The following SLCO3A1 variants were observed in gnomAD, a reference collection of about 807,000 sequenced individuals.
The protein encoded by SLCO3A1 is solute carrier organic anion transporter family member 3A1, also known as PGE1 transporter.
A neutral mutation model predicts 63.1 loss-of-function variants in SLCO3A1; 27 were observed. That is an observed-to-expected ratio of 0.43 (90% CI 0.32 to 0.59). The LOEUF (loss-of-function observed/expected upper bound fraction) is 0.59, where lower values mean the gene tolerates loss of function less well. Ranked by LOEUF, SLCO3A1 falls within the 20% of genes least tolerant of loss-of-function variation. SLCO3A1 has a pLI of 0.09. For missense variants in SLCO3A1, 773 were observed against 945.8 expected, an observed-to-expected ratio of 0.82 and a Z score of 2.40; for synonymous variants, 473 against 409.9, an observed-to-expected ratio of 1.15 and a Z score of -1.86.
chr15:91,872,125 G>A lies in SLCO3A1; in HGVS notation c.180+18037G>A, dbSNP rs12904318. ...GGGAATTGCCTTCGTCGAGGATGTG[G>A]TGTGTGCCCGGGAGGACACAAGCAG... On this transcript the variant is annotated intron_variant, in intron 1 of 9. Transcript: ENST00000318445. The surrounding 1 kb of genome is among the most constrained non-coding windows in gnomAD (Gnocchi z 4.1). 0.27 allele frequency among the ~76,000 whole-genome samples: 40,905 copies of A among 152,004 alleles called. 6,179 individuals carry two copies. The highest frequency in any genetic ancestry group is 0.4 in the African/African-American group (16,648 of 41,414).
At chr15:91,958,948 T>G (rs1473367726) in intron 2 of SLCO3A1, among the ~76,000 whole-genome samples, 1 of 152,176 alleles carries the variant, frequency 6.6e-6, no homozygotes, top group Non-Finnish European at 1.5e-5. Context: ...GAAGTCATTA[T>G]ATGAAAAAGA....
chr15:92,019,721 G>T (rs1273685000), intron 2 of SLCO3A1, among the ~76,000 whole-genome samples: 1 of 152,226 alleles, frequency 6.6e-6, no homozygotes, highest in Non-Finnish European at 1.5e-5. Context: ...GCAGGAAAGG[G>T]AGGCCTTTGT....
At chr15:92,161,473 C>G (rs1477947951) in intron 9 of SLCO3A1, 1 of 152,230 alleles carries the variant, frequency 6.6e-6, no homozygotes, top group Non-Finnish European at 1.5e-5. Context: ...CGGTTTTCAT[C>G]TCATCTGCCA....
At chr15:91,870,382 G>A (rs1369101995) in intron 1 of SLCO3A1, among the ~76,000 whole-genome samples, 1 of 152,190 alleles carries the variant, frequency 6.6e-6, no homozygotes, top group African/African-American at 2.4e-5. Flanking sequence ...CTGTAGAAGT[G>A]TCCAAGGCCA....
chr15:91,962,631 A>G (rs1900492576), intron 2 of SLCO3A1, among the ~76,000 whole-genome samples: 1 of 151,954 alleles, frequency 6.6e-6, no homozygotes, highest in Non-Finnish European at 1.5e-5. Context: ...GAGAGGTGGA[A>G]ATGGCTGTGG....
chr15:92,066,478 C>T (rs926674699), intron 2 of SLCO3A1, among the ~76,000 whole-genome samples: 1 of 152,212 alleles, frequency 6.6e-6, no homozygotes, highest in African/African-American at 2.4e-5. Context: ...AAAACAGCTT[C>T]TGAGAAATGC....
chr15:92,122,460 C>G (rs898215289), intron 5 of SLCO3A1, among the ~76,000 whole-genome samples: 1 of 152,192 alleles, frequency 6.6e-6, no homozygotes, highest in Non-Finnish European at 1.5e-5. Flanking sequence ...ACATTGGAAC[C>G]ACAATGAGGT....
chr15:92,163,065 C>T lies in SLCO3A1; in HGVS notation c.2063C>T (p.Thr688Ile). The T allele has an allele frequency of 6.4e-7, 1 of 1,563,594 alleles. No individual in the cohort carries two copies. The highest frequency in any genetic ancestry group is 8.6e-7 in the Non-Finnish European group (1 of 1,156,876). Residue 688 changes from threonine to isoleucine, a missense_variant, in exon 10 of 10, where the codon ACA becomes ATA. Thr to Ile is a moderately conservative substitution (Grantham distance 89). Around this residue, in one of 3 missense-constraint regions of SLCO3A1, gnomAD observed 139 missense variants for 131.4 expected, o/e 1.06. Transcript: ENST00000318445. Reference protein sequence around the residue: ...LGRDPVPANQTHRTKFIYNLE... With the variant: ...LGRDPVPANQIHRTKFIYNLE... ...AGGGACCCTGTGCCCGCAAACCAGA[C>T]ACATAGGACAAAGTTTATCTATAAC...
intron 1 of SLCO3A1, among the ~76,000 whole-genome samples, chr15:91,913,822 C>G (rs910113738): frequency 6.6e-6 from 1 of 152,114 alleles, no homozygotes; most frequent in African/African-American, 2.4e-5. Flanking sequence ...TCAGCAGATC[C>G]AGCTCATTCT....
chr15:92,056,492 A>G (rs2047023327), intron 2 of SLCO3A1, among the ~76,000 whole-genome samples: 1 of 152,176 alleles, frequency 6.6e-6, no homozygotes, highest in Non-Finnish European at 1.5e-5. Context: ...CGCTCCTTCC[A>G]TCATTTGTCA....
chr15:92,167,632 T>C (rs150463865), downstream of SLCO3A1, among the ~76,000 whole-genome samples: 1 of 152,252 alleles, frequency 6.6e-6, no homozygotes, highest in Non-Finnish European at 1.5e-5. Context: ...CAAGAGTAAA[T>C]TGGAATACTC....
intron 3 of SLCO3A1, among the ~76,000 whole-genome samples, chr15:92,099,990 C>T (rs909260361): frequency 4.0e-5 from 6 of 151,678 alleles, no homozygotes; most frequent in Non-Finnish European, 7.4e-5. Flanking sequence ...TGCTTGAACC[C>T]AGGAGGTGGA....
intron 2 of SLCO3A1, among the ~76,000 whole-genome samples, chr15:92,034,695 G>T (rs1231972169): frequency 1.3e-5 from 2 of 151,804 alleles, no homozygotes; most frequent in African/African-American, 4.8e-5. Context: ...GGATGGATCA[G>T]GTCAGGTGAC....
chr15:91,861,050 A>G (rs1434475327), intron 1 of SLCO3A1, among the ~76,000 whole-genome samples: 1 of 152,194 alleles, frequency 6.6e-6, no homozygotes, highest in Non-Finnish European at 1.5e-5. Context: ...TGCGAAGGAT[A>G]GAGAAGGAAT....
At chr15:92,048,701 C>G (rs2046920362) in intron 2 of SLCO3A1, among the ~76,000 whole-genome samples, 1 of 152,152 alleles carries the variant, frequency 6.6e-6, no homozygotes, top group African/African-American at 2.4e-5. Context: ...GAGTTCGAGA[C>G]CAGCCTGGCC....
At chr15:92,057,531 G>A (rs959021055) in intron 2 of SLCO3A1, among the ~76,000 whole-genome samples, 1 of 152,198 alleles carries the variant, frequency 6.6e-6, no homozygotes, top group African/African-American at 2.4e-5. Context: ...CAGAAGTGCA[G>A]AAGCAGACCA....
chr15:91,898,206 C>T (rs548017699), intron 1 of SLCO3A1, among the ~76,000 whole-genome samples: 7 of 152,158 alleles, frequency 4.6e-5, no homozygotes, highest in Admixed American at 1.3e-4. Flanking sequence ...CTAAGCTTGT[C>T]GATCCCCAGT....
intron 2 of SLCO3A1, among the ~76,000 whole-genome samples, chr15:91,982,179 T>C (rs1430789172): frequency 6.6e-6 from 1 of 152,252 alleles, no homozygotes; most frequent in Non-Finnish European, 1.5e-5. Flanking sequence ...AGGGACCACC[T>C]ATGGGTCATG....
At chr15:91,990,968 G>A (rs1386472506) in intron 2 of SLCO3A1, among the ~76,000 whole-genome samples, 3 of 152,188 alleles carry the variant, frequency 2.0e-5, no homozygotes, top group South Asian at 2.1e-4. Context: ...GCAGCAAAGC[G>A]GGCACTTCCT....
Sources: allele counts gnomAD v4.1 joint callset (sites outside exome capture counted in the v4.1 genomes callset), GRCh38; gene constraint gnomAD v4.1.1; regional missense constraint gnomAD v4.1.1; non-coding constraint Gnocchi (gnomAD v3.1); transcripts MANE v1.5; gene names NCBI Gene and HGNC (gene_info 2026-07-23, HGNC 2026-07-21).